Variants in PPARGC1A observed in about 807,000 individuals in gnomAD.
PPARGC1A encodes the protein PPARG coactivator 1 alpha, also known as peroxisome proliferator-activated receptor gamma coactivator 1-alpha.
In PPARGC1A, 25 loss-of-function variants were observed where a neutral mutation model predicts 88.7. The ratio of observed to expected loss-of-function variants is 0.28; its 90% CI spans 0.21 to 0.39. The LOEUF is 0.39. Among genes scored for constraint, PPARGC1A ranks in the 10% least tolerant of loss-of-function variants. PPARGC1A has a pLI of 1.00. For missense variants in PPARGC1A, 880 were observed against 968.7 expected (o/e 0.91, Z 1.22); for synonymous variants, 363 against 355.6 (o/e 1.02, Z -0.24).
At chr4:24,065,698 C>T in the PPARGC1A span, among the ~76,000 whole-genome samples, 6 of 152,284 alleles carry the variant, frequency 3.9e-5, no homozygotes, top group South Asian at 6.2e-4. Flanking sequence ...TATGCTTTAA[C>T]TCCTGGACTC....
chr4:24,433,578 C>T, the PPARGC1A span, among the ~76,000 whole-genome samples: 1 of 152,154 alleles, frequency 6.6e-6, no homozygotes, highest in Non-Finnish European at 1.5e-5. Context: ...AATGATGCCT[C>T]TTGCCTAAAG....
chr4:24,073,204 A>G, the PPARGC1A span, among the ~76,000 whole-genome samples: 2 of 151,530 alleles, frequency 1.3e-5, no homozygotes, highest in Admixed American at 6.6e-5. Flanking sequence ...ACCACACCCA[A>G]CTAATTTTTT....
At chr4:24,352,777 G>A in the PPARGC1A span, among the ~76,000 whole-genome samples, 1 of 152,246 alleles carries the variant, frequency 6.6e-6, no homozygotes, top group East Asian at 1.9e-4. Flanking sequence ...ACCTGCTGGT[G>A]TTTGTTATCA....
the PPARGC1A span, among the ~76,000 whole-genome samples, chr4:23,962,729 C>A: frequency 6.6e-6 from 1 of 152,168 alleles, no homozygotes; most frequent in Non-Finnish European, 1.5e-5. Context: ...ATAACCTTGA[C>A]TGAAACCCAA....
chr4:24,044,120 C>T, the PPARGC1A span, among the ~76,000 whole-genome samples: 2 of 152,298 alleles, frequency 1.3e-5, no homozygotes, highest in African/African-American at 2.4e-5. Context: ...TCAACCGTAA[C>T]GCCTAGGCTG....
chr4:24,136,721 C>T, the PPARGC1A span, among the ~76,000 whole-genome samples: 735 of 152,252 alleles, frequency 4.8e-3, 5 homozygotes, highest in African/African-American at 0.017. Context: ...GGAGGGCTGT[C>T]ATGAACTGAA....
the PPARGC1A span, among the ~76,000 whole-genome samples, chr4:24,176,198 C>T: frequency 2.0e-5 from 3 of 152,190 alleles, no homozygotes; most frequent in East Asian, 5.8e-4. Flanking sequence ...ATCTCTTCTT[C>T]CGGCCCTAAC....
chr4:23,983,367 T>A, the PPARGC1A span, among the ~76,000 whole-genome samples: 1 of 152,154 alleles, frequency 6.6e-6, no homozygotes, highest in Non-Finnish European at 1.5e-5. Flanking sequence ...AAGTATCTTA[T>A]TATAACGTGC....
the PPARGC1A span, among the ~76,000 whole-genome samples, chr4:24,283,976 G>A: frequency 2.6e-5 from 4 of 152,130 alleles, no homozygotes; most frequent in East Asian, 3.9e-4. Flanking sequence ...GGATTGGGGA[G>A]GCTACTTAAA....
At chr4:24,305,859 T>G in the PPARGC1A span, among the ~76,000 whole-genome samples, 1 of 152,156 alleles carries the variant, frequency 6.6e-6, no homozygotes, top group Non-Finnish European at 1.5e-5. Flanking sequence ...TTGGGATGCC[T>G]GGGTCCTCGT....
chr4:24,043,857 A>AT, the PPARGC1A span, among the ~76,000 whole-genome samples: 227 of 151,902 alleles, frequency 1.5e-3, no homozygotes, highest in African/African-American at 4.5e-3. Context: ...AATTTTGTTT[A>AT]TTTTTTTTGT....
chr4:24,131,456 C>A, the PPARGC1A span, among the ~76,000 whole-genome samples: 6 of 152,202 alleles, frequency 3.9e-5, no homozygotes, highest in Non-Finnish European at 7.3e-5. Context: ...CCTGGTAGAA[C>A]TCATATGTTT....
At chr4:24,012,669 G>A in the PPARGC1A span, among the ~76,000 whole-genome samples, 1 of 152,214 alleles carries the variant, frequency 6.6e-6, no homozygotes, top group African/African-American at 2.4e-5. Context: ...TATCAAAGTG[G>A]AGAACCTGCC....
chr4:23,814,520 C>A lies in PPARGC1A; in HGVS notation c.963G>T (p.Lys321Asn), dbSNP rs1359836516. The change falls in exon 8 of 13, where the codon AAG becomes AAT. Residue 321 changes from lysine to asparagine, a missense_variant. Coordinates refer to ENST00000264867, the MANE Select transcript of PPARGC1A (RefSeq NM_013261.5). ...TCTTTGATGGTGGTGGCACCACAGTCTTGCAAGAGGACTTCAGCTTTGGAG... is the reference window on the plus strand; with the variant it reads ...TCTTTGATGGTGGTGGCACCACAGTATTGCAAGAGGACTTCAGCTTTGGAG... ...RASPKLKSSC[K>N]TVVPPPSKKP... 2 of 1,611,724 alleles carry A rather than the reference C, an allele frequency of 1.2e-6. No homozygotes were observed. The highest frequency in any genetic ancestry group is 1.1e-5 in the South Asian group (1 of 90,984).
chr4:24,150,678 C>G, the PPARGC1A span, among the ~76,000 whole-genome samples: 2 of 152,214 alleles, frequency 1.3e-5, no homozygotes, highest in East Asian at 3.9e-4. Flanking sequence ...TTTTCAGTGC[C>G]GTGGGCATTA....
chr4:24,339,208 GTGTGTATATATA>G, the PPARGC1A span, among the ~76,000 whole-genome samples: 14 of 38,198 alleles, frequency 3.7e-4, no homozygotes, highest in Admixed American at 2.1e-3. Context: ...GTGTGTGTGT[GTGTGTATATATA>G]TATATATATA....
chr4:24,070,045 T>C, the PPARGC1A span, among the ~76,000 whole-genome samples: 1 of 152,202 alleles, frequency 6.6e-6, no homozygotes, highest in Non-Finnish European at 1.5e-5. Context: ...TCAGGGATTT[T>C]ATATAACAGA....
At chr4:24,160,592 T>G in the PPARGC1A span, among the ~76,000 whole-genome samples, 4 of 152,182 alleles carry the variant, frequency 2.6e-5, no homozygotes, top group Admixed American at 2.0e-4. Context: ...TCTTCCTGCC[T>G]GGCCCCATGC....
the PPARGC1A span, among the ~76,000 whole-genome samples, chr4:24,021,069 C>T: frequency 6.6e-6 from 1 of 152,208 alleles, no homozygotes; most frequent in Non-Finnish European, 1.5e-5. Context: ...CCTTCGTGAC[C>T]TCTGAAGTGC....
Sources: allele counts gnomAD v4.1 joint callset (sites outside exome capture counted in the v4.1 genomes callset), GRCh38; gene constraint gnomAD v4.1.1; transcripts MANE v1.5; gene names NCBI Gene and HGNC (gene_info 2026-07-23, HGNC 2026-07-21).